NOC3L: variants seen among roughly 807,000 people sequenced by gnomAD.
NOC3L encodes the protein NOC3 like DNA replication regulator, also known as nucleolar complex protein 3 homolog.
A neutral mutation model predicts 102.5 loss-of-function variants in NOC3L; 85 were observed. The ratio of observed to expected loss-of-function variants is 0.83; its 90% CI spans 0.70 to 0.99. The LOEUF (loss-of-function observed/expected upper bound fraction) is 0.99, where lower values mean the gene tolerates loss of function less well. NOC3L is among the 50% of genes least tolerant of loss of function. The pLI is 0.00. For synonymous variants in NOC3L, 303 were observed against 309.4 expected (o/e 0.98, Z 0.22); for missense variants, 878 against 914.9 (o/e 0.96, Z 0.52).
intron 6 of NOC3L, 89 bp downstream of exon 6, chr10:94,354,874 G>A (rs530736250): frequency 1.5e-6 from 2 of 1,307,074 alleles, no homozygotes; most frequent in Non-Finnish European, 2.1e-6. Context: ...TCCTTTTAGT[G>A]TATGCTTATA....
the NOC3L span, among the ~76,000 whole-genome samples, chr10:94,326,078 C>T: frequency 1.3e-5 from 2 of 152,164 alleles, no homozygotes; most frequent in African/African-American, 4.8e-5. Context: ...TGGTAAGTCT[C>T]TCCTTTTCGC....
the NOC3L span, chr10:94,328,086 T>A: frequency 8.7e-6 from 4 of 462,180 alleles, no homozygotes; most frequent in Middle Eastern, 6.8e-4. Flanking sequence ...ACATGTGAGA[T>A]CCATGCTGAG....
At chr10:94,319,470 T>C in the NOC3L span, among the ~76,000 whole-genome samples, 143 of 152,292 alleles carry the variant, frequency 9.4e-4, no homozygotes, top group Middle Eastern at 6.8e-3. Context: ...CTTCAGTTGC[T>C]CTCTGTGACC....
chr10:94,357,069 A>T, intron 4 of NOC3L, 105 bp downstream of exon 4: 1 of 840,766 alleles, frequency 1.2e-6, no homozygotes, highest in Non-Finnish European at 1.8e-6. Flanking sequence ...AATATTTTCT[A>T]GATATGGGTA....
At chr10:94,338,806 T>C (rs1345126568) in intron 17 of NOC3L, 70 bp from the exon 18 acceptor site, 2 of 1,340,570 alleles carry the variant, frequency 1.5e-6, no homozygotes, top group Admixed American at 2.0e-5. Flanking sequence ...TACTGGTTTG[T>C]AGTTGTATTT....
rs1227271479 is a variant in NOC3L at position 94,356,569 on chromosome 10, T to C, written c.531A>G (p.Glu177=). 1 of 1,573,366 alleles carries C rather than the reference T, an allele frequency of 6.4e-7. No homozygotes were observed. Among genetic ancestry groups the C allele is most frequent in the Non-Finnish European group, 8.7e-7 (1 of 1,144,156 alleles). Residue 177 remains glutamate (E), a synonymous_variant, in exon 5 of 21, where the codon GAA becomes GAG. Transcript: ENST00000371361. ...GTTCCCTCTCTTCTTCTTGATCCTC[T>C]TCATCTTTGTTACTATCAGTAACTA... ...EKPVTDSNKD[E]EDQEEERELE...
chr10:94,345,147 G>T (rs920818668), intron 11 of NOC3L, among the ~76,000 whole-genome samples: 1 of 152,016 alleles, frequency 6.6e-6, no homozygotes, highest in Admixed American at 6.6e-5. Context: ...GAATGAGATT[G>T]GAGAGAGAAA....
chr10:94,338,596 G>A lies in NOC3L; in HGVS notation c.2091+12C>T. 3 of 1,499,502 alleles carry A rather than the reference G, an allele frequency of 2.0e-6. No homozygotes were observed. The highest frequency in any genetic ancestry group is 1.4e-5 in the South Asian group (1 of 70,056). 92.9% of individuals were successfully genotyped at this position (1,499,502 alleles called of 1,614,324 possible). A position where few individuals can be genotyped will look rare whatever the true frequency, so the allele number is the denominator to read the frequency against. The stretch of plus-strand genomic sequence containing the variant: ...ACATCCCCAAAAAGAAAAAAACCAG[G>A]GCCACTCTTACCCGCAGAGCATGCA... On this transcript the variant is annotated intron_variant, in intron 18 of 20. Transcript: ENST00000371361.
chr10:94,352,616 G>A (rs1004658146), intron 7 of NOC3L, among the ~76,000 whole-genome samples: 1 of 152,158 alleles, frequency 6.6e-6, no homozygotes. Flanking sequence ...GAGGTCAGGT[G>A]TTTGAGACCA....
intron 6 of NOC3L, among the ~76,000 whole-genome samples, chr10:94,354,581 T>C (rs1187540337): frequency 1.3e-5 from 2 of 152,242 alleles, no homozygotes; most frequent in African/African-American, 4.8e-5. Context: ...CCTGAACTAA[T>C]TCCATACACT....
intron 6 of NOC3L, among the ~76,000 whole-genome samples, chr10:94,354,544 TTAAAA>T (rs1424978942): frequency 1.3e-5 from 2 of 152,218 alleles, no homozygotes; most frequent in Non-Finnish European, 2.9e-5. Context: ...TCTAGTTCAC[TTAAAA>T]TATTTTCAAC....
the NOC3L span, among the ~76,000 whole-genome samples, chr10:94,327,536 AG>A: frequency 1.3e-5 from 2 of 152,206 alleles, no homozygotes; most frequent in East Asian, 3.9e-4. Context: ...AGGGAGAGAG[AG>A]CAAAAAGAAA....
At chr10:94,316,433 C>T in the NOC3L span, 21 of 714,544 alleles carry the variant, frequency 2.9e-5, no homozygotes, top group South Asian at 5.9e-5. Context: ...TTATGCAATA[C>T]TCTAGAGTAA....
chr10:94,317,480 T>G, the NOC3L span, among the ~76,000 whole-genome samples: 2 of 152,212 alleles, frequency 1.3e-5, no homozygotes, highest in African/African-American at 4.8e-5. Flanking sequence ...GATGACTGAC[T>G]TCCAGTTTTA....
At chr10:94,324,329 G>A in the NOC3L span, 1 of 1,577,844 alleles carries the variant, frequency 6.3e-7, no homozygotes, top group Non-Finnish European at 8.7e-7. Flanking sequence ...TTATTCAGTT[G>A]ATCATAACTT....
the NOC3L span, among the ~76,000 whole-genome samples, chr10:94,327,236 C>T: frequency 3.3e-5 from 5 of 152,242 alleles, no homozygotes; most frequent in East Asian, 9.7e-4. Context: ...TTATGACCTC[C>T]TTTACAATGG....
chr10:94,338,799 T>C (rs2054250110), intron 17 of NOC3L, 63 bp from the exon 18 acceptor site: 10 of 1,418,500 alleles, frequency 7.0e-6, no homozygotes, highest in Non-Finnish European at 8.7e-6. Context: ...GAGGTGTTAC[T>C]GGTTTGTAGT....
intron 13 of NOC3L, among the ~76,000 whole-genome samples, chr10:94,343,796 T>C (rs1236079695): frequency 6.6e-6 from 1 of 152,226 alleles, no homozygotes; most frequent in Non-Finnish European, 1.5e-5. Context: ...CAGTAAAATA[T>C]ATAAAAATTA....
At chr10:94,325,299 T>C in the NOC3L span, 52 of 539,256 alleles carry the variant, frequency 9.6e-5, no homozygotes, top group East Asian at 1.7e-4. Context: ...ACACCGCCTA[T>C]AAAGAAAAAG....
Sources: allele counts gnomAD v4.1 joint callset (sites outside exome capture counted in the v4.1 genomes callset), GRCh38; gene constraint gnomAD v4.1.1; transcripts MANE v1.5; gene names NCBI Gene and HGNC (gene_info 2026-07-23, HGNC 2026-07-21).